ADAMTS16: variants seen among roughly 807,000 people sequenced by gnomAD.
ADAMTS16 encodes A disintegrin and metalloproteinase with thrombospondin motifs 16.
A neutral mutation model predicts 145.8 loss-of-function variants in ADAMTS16; 94 were observed. The observed-to-expected ratio is 0.64, with a 90% confidence interval of 0.55 to 0.77. The LOEUF is 0.77. Among genes scored for constraint, ADAMTS16 ranks in the 30% least tolerant of loss-of-function variants. ADAMTS16 has a pLI of 0.00. For synonymous variants in ADAMTS16, 659 were observed against 604.3 expected (o/e 1.09, Z -1.33); for missense variants, 1,585 against 1,591.5 (o/e 1.00, Z 0.07).
chr5:5,221,428 C>G (rs191312489), intron 10 of ADAMTS16, among the ~76,000 whole-genome samples: 221 of 152,264 alleles, frequency 1.5e-3, no homozygotes, highest in Middle Eastern at 3.4e-3. Flanking sequence ...AGACCTCAGC[C>G]AGGCAAAGCC....
intron 18 of ADAMTS16, among the ~76,000 whole-genome samples, chr5:5,288,991 C>T (rs1035345201): frequency 7.2e-5 from 11 of 152,156 alleles, no homozygotes; most frequent in African/African-American, 2.7e-4. Context: ...GTTAAGTGGG[C>T]TAATGCATGT....
chr5:5,271,615 G>A (rs1579363817), intron 18 of ADAMTS16, among the ~76,000 whole-genome samples: 1 of 152,102 alleles, frequency 6.6e-6, no homozygotes, highest in Admixed American at 6.5e-5. Flanking sequence ...GTGGCTCTTC[G>A]GGTCATTCAT....
chr5:5,147,039 T>C (rs1419424944), intron 3 of ADAMTS16, among the ~76,000 whole-genome samples: 1 of 152,204 alleles, frequency 6.6e-6, no homozygotes, highest in African/African-American at 2.4e-5. Flanking sequence ...GCACATCACT[T>C]CAATGCTTCT....
chr5:5,221,013 G>A (rs1436652636), intron 10 of ADAMTS16, among the ~76,000 whole-genome samples: 1 of 152,018 alleles, frequency 6.6e-6, no homozygotes, highest in African/African-American at 2.4e-5. Context: ...GGTCCAGGAG[G>A]CCTCTGTGAG....
intron 17 of ADAMTS16, among the ~76,000 whole-genome samples, chr5:5,247,996 C>T (rs1335077674): frequency 2.6e-5 from 4 of 152,202 alleles, no homozygotes; most frequent in Admixed American, 1.3e-4. Flanking sequence ...TTCCCTCTTC[C>T]GAGTTCAAGG....
chr5:5,274,338 A>C (rs1281437442), intron 18 of ADAMTS16, among the ~76,000 whole-genome samples: 2 of 152,182 alleles, frequency 1.3e-5, no homozygotes, highest in East Asian at 3.8e-4. Flanking sequence ...ACTGCCCTGC[A>C]GATCCTCCAT....
Position 5,239,746 on chromosome 5 carries a change from TCTACCTC to T in ADAMTS16, c.2349_2355del (p.Ser784PhefsTer12). On this transcript the variant is annotated frameshift_variant, in exon 16 of 23. Coordinates refer to ENST00000274181, the MANE Select transcript of ADAMTS16 (RefSeq NM_139056.4). LOFTEE classifies it high-confidence loss of function. ...TATCCGCATCTATGAAATGAACGTCTCTACCTCCTACATTTCTGTGCGCAATGCCCTC... is the reference window on the plus strand; with the variant it reads ...TATCCGCATCTATGAAATGAACGTCTCTACATTTCTGTGCGCAATGCCCTC... The T allele has an allele frequency of 6.2e-7, 1 of 1,614,168 alleles. No individual in the cohort carries two copies. The highest frequency in any genetic ancestry group is 8.5e-7 in the Non-Finnish European group (1 of 1,180,024).
intron 9 of ADAMTS16, among the ~76,000 whole-genome samples, chr5:5,206,935 G>C (rs962094104): frequency 3.4e-4 from 52 of 152,156 alleles, no homozygotes; most frequent in Non-Finnish European, 2.1e-4. Flanking sequence ...CTGTTCCACT[G>C]ATCTATTTGT....
chr5:5,262,860 C>T (rs1018787159), intron 18 of ADAMTS16, 77 bp downstream of exon 18: 27 of 1,574,194 alleles, frequency 1.7e-5, no homozygotes, highest in African/African-American at 6.8e-5. Context: ...CTCCTGATTT[C>T]GAGAGAGAAG....
chr5:5,205,188 G>A (rs1181347027), intron 9 of ADAMTS16, among the ~76,000 whole-genome samples: 2 of 151,110 alleles, frequency 1.3e-5, no homozygotes, highest in Non-Finnish European at 2.9e-5. Context: ...AATCTTCTCT[G>A]ACTCTGTGAC....
In ADAMTS16 at chr5:5,173,861, G is replaced by A. The variant is rs77588993; in HGVS notation, c.502-8183G>A. On this transcript the variant is annotated intron_variant, in intron 3 of 22. Coordinates refer to ENST00000274181, the MANE Select transcript of ADAMTS16 (RefSeq NM_139056.4). Reference sequence around the variant, plus strand: ...TTCTGTGCTTTAACTTTGTCCTCCAGCATTTTAACTTTTTGTTGTTTTTAC... The same window carrying A: ...TTCTGTGCTTTAACTTTGTCCTCCAACATTTTAACTTTTTGTTGTTTTTAC... Among the ~76,000 whole-genome samples, 1,034 of 152,144 alleles carry A rather than the reference G, an allele frequency of 6.8e-3. 17 individuals carry two copies. Among genetic ancestry groups the A allele is most frequent in the East Asian group, 0.027 (142 of 5,178 alleles).
intron 10 of ADAMTS16, among the ~76,000 whole-genome samples, chr5:5,218,499 A>C (rs1736499112): frequency 6.6e-6 from 1 of 152,152 alleles, no homozygotes; most frequent in Non-Finnish European, 1.5e-5. Flanking sequence ...AGCCCAAGTG[A>C]GCATGTGTTA....
chr5:5,187,670 A>C, intron 5 of ADAMTS16, 55 bp from the exon 6 acceptor site: 1 of 1,221,566 alleles, frequency 8.2e-7, no homozygotes, highest in Non-Finnish European at 1.2e-6. Context: ...CCCGCTAGTA[A>C]GTAGGGGGGA....
At chr5:5,225,492 G>T (rs149061667) in intron 11 of ADAMTS16, among the ~76,000 whole-genome samples, 2 of 152,050 alleles carry the variant, frequency 1.3e-5, no homozygotes, top group African/African-American at 2.4e-5. Context: ...AGTCCCAGCT[G>T]CTCGGGAGGC....
At chr5:5,174,219 T>C (rs2115007) in intron 3 of ADAMTS16, among the ~76,000 whole-genome samples, 39,669 of 152,134 alleles carry the variant, frequency 0.26, 6,251 homozygotes, top group Non-Finnish European at 0.36. Context: ...TCTCTGCATA[T>C]ATTATTCTAG....
At chr5:5,185,712 A>G (rs763165589) in intron 4 of ADAMTS16, among the ~76,000 whole-genome samples, 4 of 152,188 alleles carry the variant, frequency 2.6e-5, no homozygotes, top group Non-Finnish European at 5.9e-5. Context: ...TTGCAGAGGA[A>G]TCTGTTCTAC....
At chr5:5,152,340 C>T (rs575838748) in intron 3 of ADAMTS16, among the ~76,000 whole-genome samples, 2 of 152,226 alleles carry the variant, frequency 1.3e-5, no homozygotes, top group Non-Finnish European at 2.9e-5. Flanking sequence ...GGTTGTGCTT[C>T]CTGTCTTGAA....
At position 5,310,335 on chromosome 5, in the gene ADAMTS16, G is replaced by C. The variant is rs1740370931; in HGVS notation, c.3411+3607G>C. ...TGTGGCCACTTCCAGCCCGCCACTGGTCATCTCTCCTCTGGAGAGGGACCC... is the reference window on the plus strand; with the variant it reads ...TGTGGCCACTTCCAGCCCGCCACTGCTCATCTCTCCTCTGGAGAGGGACCC... On this transcript the variant is annotated intron_variant, in intron 21 of 22. Coordinates refer to ENST00000274181, the MANE Select transcript of ADAMTS16 (RefSeq NM_139056.4). This position sits in a 1 kb window ranked among gnomAD's most constrained non-coding sequence, Gnocchi z 4.3. 6.6e-6 allele frequency among the ~76,000 whole-genome samples: 1 copy of C among 152,092 alleles called. No individual in the cohort carries two copies. The highest frequency in any genetic ancestry group is 2.1e-4 in the South Asian group (1 of 4,820).
intron 17 of ADAMTS16, among the ~76,000 whole-genome samples, chr5:5,255,185 TTC>T: frequency 6.6e-6 from 1 of 152,304 alleles, no homozygotes; most frequent in Non-Finnish European, 1.5e-5. Flanking sequence ...TGTAAATATT[TTC>T]TTATTCTCAT....
Sources: allele counts gnomAD v4.1 joint callset (sites outside exome capture counted in the v4.1 genomes callset), GRCh38; gene constraint gnomAD v4.1.1; non-coding constraint Gnocchi (gnomAD v3.1); transcripts MANE v1.5; gene names NCBI Gene and HGNC (gene_info 2026-07-23, HGNC 2026-07-21).